Variants in GSTA3 observed in about 807,000 individuals in gnomAD.
GSTA3 encodes glutathione S-transferase A3.
In GSTA3, 16 loss-of-function variants were observed where a neutral mutation model predicts 23.1. That is an observed-to-expected ratio of 0.69 (90% CI 0.47 to 1.05). The LOEUF is 1.05. Among genes scored for constraint, GSTA3 ranks in the 50% least tolerant of loss-of-function variants. The pLI is 0.00. For missense variants in GSTA3, 319 were observed against 263.6 expected, an observed-to-expected ratio of 1.21 and a Z score of -1.46; for synonymous variants, 122 against 91.0, an observed-to-expected ratio of 1.34 and a Z score of -1.94.
intron 2 of GSTA3, among the ~76,000 whole-genome samples, chr6:52,905,458 T>A (rs1034164809): frequency 1.3e-5 from 2 of 152,168 alleles, no homozygotes; most frequent in Non-Finnish European, 1.5e-5. Context: ...AAGTTATATT[T>A]TATAGTTTGT....
chr6:52,898,293 G>C (rs1765531826), intron 5 of GSTA3, among the ~76,000 whole-genome samples: 1 of 152,064 alleles, frequency 6.6e-6, no homozygotes, highest in African/African-American at 2.4e-5. Context: ...GTGTAGCCTT[G>C]ACATTCAGGA....
At chr6:52,903,407 G>A (rs1262693202) in intron 3 of GSTA3, among the ~76,000 whole-genome samples, 2 of 143,508 alleles carry the variant, frequency 1.4e-5, no homozygotes, top group East Asian at 2.1e-4. Context: ...CTAACACGAT[G>A]AAACCCCGTC....
intron 4 of GSTA3, 137 bp from the exon 5 acceptor site, chr6:52,900,212 T>C (rs1477893860): frequency 9.9e-6 from 6 of 604,464 alleles, no homozygotes; most frequent in Non-Finnish European, 1.6e-5. Flanking sequence ...ATTCTAGTCA[T>C]TATGCTCTGA....
chr6:52,907,059 A>G (rs1386148233), intron 1 of GSTA3, among the ~76,000 whole-genome samples: 1 of 149,932 alleles, frequency 6.7e-6, no homozygotes, highest in Non-Finnish European at 1.5e-5. Flanking sequence ...TTCGCAACCT[A>G]CTTATCTGAC....
chr6:52,899,953 T>C lies in GSTA3; in HGVS notation c.395A>G (p.Tyr132Cys). 6.2e-7 allele frequency: 1 copy of C among 1,614,084 alleles called. No homozygotes were observed. Among genetic ancestry groups the C allele is most frequent in the South Asian group, 1.1e-5 (1 of 91,078 alleles). Residue 132 changes from tyrosine to cysteine, a missense_variant, in exon 5 of 7, where the codon TAT (tyrosine) becomes TGT (cysteine). Coordinates refer to ENST00000211122, the MANE Select transcript of GSTA3 (RefSeq NM_000847.5). ...ACCTACTTTTTCGAAGGCAGGGAAA[T>C]AGCGACTTTTTGTTTTCTCTTTGAT... ...ALIKEKTKSR[Y>C]FPAFEKVLQS...
At chr6:52,908,334 CA>C (rs765530383) in intron 1 of GSTA3, among the ~76,000 whole-genome samples, 2 of 151,474 alleles carry the variant, frequency 1.3e-5, no homozygotes, top group Non-Finnish European at 2.9e-5. Flanking sequence ...CTGGCCTGGG[CA>C]ATTAAATAAA....
At chr6:52,904,042 AGTGGTAT>A (rs895463291) in intron 2 of GSTA3, among the ~76,000 whole-genome samples, 3 of 151,028 alleles carry the variant, frequency 2.0e-5, no homozygotes, top group African/African-American at 7.4e-5. Flanking sequence ...GCTTAAGTAC[AGTGGTAT>A]GATCATGGCT....
intron 4 of GSTA3, among the ~76,000 whole-genome samples, chr6:52,901,264 T>A (rs970346053): frequency 6.6e-6 from 1 of 152,204 alleles, no homozygotes; most frequent in Non-Finnish European, 1.5e-5. Flanking sequence ...TCTGTACCCA[T>A]TGAGTATTCA....
chr6:52,896,894 A>C lies in GSTA3; in HGVS notation c.581T>G (p.Val194Gly). ...LKTRISNLPT[V>G]KKFLQPGSPR... Reference sequence around the variant, plus strand: ...GCTGCCAGGCTGTAGAAACTTCTTCACCGTGGGCAGGTTGCTGATTCTGGT... The same window carrying C: ...GCTGCCAGGCTGTAGAAACTTCTTCCCCGTGGGCAGGTTGCTGATTCTGGT... Residue 194 changes from valine (V) to glycine (G), a missense_variant, in exon 7 of 7, where the codon GTG becomes GGG. Transcript: ENST00000211122. 1.2e-6 allele frequency: 2 copies of C among 1,614,020 alleles called. No individual in the cohort carries two copies. The highest frequency in any genetic ancestry group is 2.2e-5 in the South Asian group (2 of 91,066).
intron 5 of GSTA3, among the ~76,000 whole-genome samples, chr6:52,898,400 G>C (rs1026924298): frequency 6.6e-6 from 1 of 152,104 alleles, no homozygotes; most frequent in African/African-American, 2.4e-5. Context: ...GACTATTTCA[G>C]AGTCTTCATT....
rs375440771 is a variant in GSTA3 at position 52,909,305 on chromosome 6, G to A, written c.-22+336C>T. On this transcript the variant is annotated intron_variant, in intron 1 of 6. Coordinates refer to ENST00000211122, the MANE Select transcript of GSTA3 (RefSeq NM_000847.5). ...TGTGAATCACAGGAATGAATCACACGAATACATGTTTTTAATAAACAGCTT... is the reference window on the plus strand; with the variant it reads ...TGTGAATCACAGGAATGAATCACACAAATACATGTTTTTAATAAACAGCTT... Among the ~76,000 whole-genome samples the A allele has an allele frequency of 1.6e-4, 25 of 152,258 alleles. No individual in the cohort carries two copies. In the East Asian group the frequency reaches 3.5e-3, roughly 21 times the overall value.
At chr6:52,907,096 T>TG (rs1379733687) in intron 1 of GSTA3, among the ~76,000 whole-genome samples, 1 of 147,306 alleles carries the variant, frequency 6.8e-6, no homozygotes, top group African/African-American at 2.5e-5. Flanking sequence ...GAATCTACAA[T>TG]GAACTCAAAC....
At chr6:52,905,409 A>C (rs555346207) in intron 2 of GSTA3, among the ~76,000 whole-genome samples, 1 of 152,150 alleles carries the variant, frequency 6.6e-6, no homozygotes, top group African/African-American at 2.4e-5. Context: ...ATTATCTAAC[A>C]TTCAATCAAT....
chr6:52,905,242 G>A (rs1212107305), intron 2 of GSTA3, among the ~76,000 whole-genome samples: 1 of 152,108 alleles, frequency 6.6e-6, no homozygotes, highest in African/African-American at 2.4e-5. Context: ...TCATTTGTAT[G>A]CCCAGCTTCT....
intron 4 of GSTA3, among the ~76,000 whole-genome samples, chr6:52,900,424 A>G (rs1448403557): frequency 6.6e-6 from 1 of 151,760 alleles, no homozygotes; most frequent in Non-Finnish European, 1.5e-5. Context: ...CAATATGCCC[A>G]GATAATTTTT....
chr6:52,898,013 G>C, intron 5 of GSTA3, 57 bp from the exon 6 acceptor site: 1 of 1,597,508 alleles, frequency 6.3e-7, no homozygotes, highest in South Asian at 1.1e-5. Flanking sequence ...TGGGACCCCT[G>C]CTTCTCCCTG....
chr6:52,896,657 A>G lies in GSTA3; in HGVS notation c.*149T>C. On this transcript the variant is annotated 3_prime_UTR_variant, in exon 7 of 7. Coordinates refer to ENST00000211122, the MANE Select transcript of GSTA3 (RefSeq NM_000847.5). ...GCTTAAATTTTAACTAAGTTAGCAA[A>G]TAGGAGTTTTTATTATTTAATTAGC... 1.2e-6 allele frequency: 1 copy of G among 840,642 alleles called. No homozygotes were observed. The highest frequency in any genetic ancestry group is 1.8e-6 in the Non-Finnish European group (1 of 566,468). 52.1% of individuals were successfully genotyped at this position (840,642 alleles called of 1,614,324 possible).
chr6:52,900,409 C>T (rs1765638614), intron 4 of GSTA3, among the ~76,000 whole-genome samples: 2 of 151,862 alleles, frequency 1.3e-5, no homozygotes, highest in East Asian at 1.9e-4. Context: ...ATTACAGACG[C>T]CTGCCAATAT....
chr6:52,902,563 AG>A (rs1765728040), intron 3 of GSTA3, 85 bp from the exon 4 acceptor site: 23 of 1,345,304 alleles, frequency 1.7e-5, no homozygotes, highest in Admixed American at 2.2e-5. Flanking sequence ...GAAATGACTG[AG>A]GTTATAAAAT....
Sources: gnomAD v4.1 joint callset for allele counts (sites outside exome capture counted in the v4.1 genomes callset) on GRCh38, gnomAD v4.1.1 for gene constraint, MANE v1.5 for transcripts, NCBI Gene and HGNC (gene_info 2026-07-23, HGNC 2026-07-21) for gene names.